The following AP2B1 variants were observed in gnomAD, a reference collection of about 807,000 sequenced individuals.
AP2B1 encodes the protein AP-2 complex subunit beta.
Under a neutral mutation model 102.0 loss-of-function variants are expected in AP2B1, and 23 were observed. The observed-to-expected ratio is 0.23, with a 90% confidence interval of 0.16 to 0.32. The LOEUF (loss-of-function observed/expected upper bound fraction) is 0.32, where lower values mean the gene tolerates loss of function less well. Among genes scored for constraint, AP2B1 ranks in the 10% least tolerant of loss-of-function variants. The pLI is 1.00. For missense variants in AP2B1, 541 were observed against 1,157.4 expected (o/e 0.47, Z 7.73); for synonymous variants, 381 against 421.2 (o/e 0.90, Z 1.17).
chr17:35,638,632 T>TA (rs1407070740), intron 10 of AP2B1, among the ~76,000 whole-genome samples: 2 of 151,336 alleles, frequency 1.3e-5, no homozygotes, highest in African/African-American at 4.9e-5. Flanking sequence ...ACTAAAAATA[T>TA]AAAAAAATTA....
At chr17:35,621,691 G>T (rs1285420878) in intron 5 of AP2B1, among the ~76,000 whole-genome samples, 1 of 152,090 alleles carries the variant, frequency 6.6e-6, no homozygotes, top group Admixed American at 6.6e-5. Context: ...ACTTCATTAG[G>T]TGCATTATAC....
intron 2 of AP2B1, chr17:35,596,830 G>T: frequency 4.5e-6 from 3 of 663,862 alleles, no homozygotes; most frequent in Non-Finnish European, 8.4e-6. Context: ...CCCCGCAGGC[G>T]CTGCCCCACA....
chr17:35,621,809 C>A (rs981948139), intron 5 of AP2B1, among the ~76,000 whole-genome samples: 2 of 152,102 alleles, frequency 1.3e-5, no homozygotes, highest in African/African-American at 4.8e-5. Flanking sequence ...TAATTCTCCC[C>A]CTTCTCTCGT....
intron 20 of AP2B1, among the ~76,000 whole-genome samples, chr17:35,714,851 A>G (rs1048262255): frequency 6.6e-6 from 1 of 152,226 alleles, no homozygotes; most frequent in African/African-American, 2.4e-5. Context: ...ATCAGCACAC[A>G]GTGAAACAAT....
chr17:35,718,316 G>C (rs2085242941), intron 21 of AP2B1, among the ~76,000 whole-genome samples: 1 of 60,846 alleles, frequency 1.6e-5, no homozygotes, highest in Non-Finnish European at 3.1e-5. Context: ...GAGTAGCTGT[G>C]TGTGTGTGTG....
rs1459393258 is a variant in AP2B1 at position 35,724,740 on chromosome 17, C to T, written c.*1041C>T. 1 of 152,230 alleles carries T rather than the reference C, an allele frequency of 6.6e-6. No individual in the cohort carries two copies. The highest frequency in any genetic ancestry group is 1.5e-5 in the Non-Finnish European group (1 of 68,048). The allele number at this position is 152,230 out of a possible 1,614,324, so 9.4% of individuals were successfully genotyped here. On this transcript the variant is annotated 3_prime_UTR_variant, in exon 22 of 22. Coordinates refer to ENST00000610402, the MANE Select transcript of AP2B1 (RefSeq NM_001030006.2). ...GCCGAGACCGAGTCTCCTAAGTCCCCGTCAGTGTGGTTTTCACCACAGGAC... is the reference window on the plus strand; with the variant it reads ...GCCGAGACCGAGTCTCCTAAGTCCCTGTCAGTGTGGTTTTCACCACAGGAC...
chr17:35,701,164 A>G (rs1477264034), intron 18 of AP2B1, among the ~76,000 whole-genome samples: 1 of 42,994 alleles, frequency 2.3e-5, no homozygotes, highest in Non-Finnish European at 4.1e-5. Context: ...TGTATTTTAC[A>G]TAGTGTATAC....
At chr17:35,659,992 T>C (rs567231108) in intron 14 of AP2B1, 11 of 985,330 alleles carry the variant, frequency 1.1e-5, no homozygotes, top group Non-Finnish European at 1.3e-5. Context: ...CAGTGGACTT[T>C]TAAAATGCTT....
At chr17:35,691,450 C>A (rs1170693027) in intron 18 of AP2B1, among the ~76,000 whole-genome samples, 1 of 152,234 alleles carries the variant, frequency 6.6e-6, no homozygotes, top group Non-Finnish European at 1.5e-5. Context: ...CTTTTCAGCG[C>A]TCCCATCAAA....
In AP2B1 at chr17:35,709,280, T is replaced by C. The variant is rs2143007558; in HGVS notation, c.2511T>C (p.Asn837=). The C allele has an allele frequency of 1.2e-6, 2 of 1,614,156 alleles. No homozygotes were observed. Among genetic ancestry groups the C allele is most frequent in the South Asian group, 2.2e-5 (2 of 91,084 alleles). ...ACTTCAGCTGCCTCATCCCACTCAATGTGCTTTTTGTAGAAGATGGCAAAA... is the reference window on the plus strand; with the variant it reads ...ACTTCAGCTGCCTCATCCCACTCAACGTGCTTTTTGTAGAAGATGGCAAAA... The part of the protein sequence containing the change: ...VFYFSCLIPL[N]VLFVEDGKME... The change falls in exon 19 of 22, where the codon AAT becomes AAC. Residue 837 remains asparagine (N), a synonymous_variant. Coordinates refer to ENST00000610402, the MANE Select transcript of AP2B1 (RefSeq NM_001030006.2).
chr17:35,621,368 G>T, intron 5 of AP2B1: 3 of 983,230 alleles, frequency 3.1e-6, no homozygotes, highest in Non-Finnish European at 3.6e-6. Context: ...TGCCTGGTGA[G>T]CCTGCCTCAG....
chr17:35,596,603 C>T (rs562654032), intron 2 of AP2B1, among the ~76,000 whole-genome samples: 2 of 151,924 alleles, frequency 1.3e-5, no homozygotes, highest in South Asian at 2.1e-4. Context: ...CCAGGCCCGG[C>T]GGCCATGTCG....
intron 18 of AP2B1, among the ~76,000 whole-genome samples, chr17:35,704,519 C>T (rs1188337057): frequency 6.6e-6 from 1 of 152,042 alleles, no homozygotes; most frequent in African/African-American, 2.4e-5. Context: ...AATATGCTAG[C>T]GAAGATGAGA....
intron 18 of AP2B1, among the ~76,000 whole-genome samples, chr17:35,699,960 G>A (rs138587674): frequency 8.0e-4 from 122 of 152,200 alleles, no homozygotes; most frequent in African/African-American, 2.7e-3. Flanking sequence ...GCCAAGCATG[G>A]TGGCACATGC....
In AP2B1 at chr17:35,723,687, T is replaced by C; in HGVS notation, c.2844T>C (p.Ile948=). Residue 948 remains isoleucine (I), a synonymous_variant, in exon 22 of 22, where the codon ATT becomes ATC. Transcript: ENST00000610402. ...SQYIYQVYDS[I]LKN ...ACATCTATCAGGTCTACGACAGCAT[T>C]TTGAAAAACTAACAAGACTGGTCCA... 1 of 1,610,588 alleles carries C rather than the reference T, an allele frequency of 6.2e-7. No homozygotes were observed. Among genetic ancestry groups the C allele is most frequent in the Non-Finnish European group, 8.5e-7 (1 of 1,176,786 alleles).
At chr17:35,600,963 G>A (rs953921426) in intron 3 of AP2B1, 6 of 983,042 alleles carry the variant, frequency 6.1e-6, no homozygotes, top group Non-Finnish European at 7.2e-6. Flanking sequence ...GTGAATTTTT[G>A]TTATTTTTCT....
chr17:35,590,823 G>A (rs2073070701), intron 1 of AP2B1, among the ~76,000 whole-genome samples: 1 of 152,110 alleles, frequency 6.6e-6, no homozygotes, highest in African/African-American at 2.4e-5. Flanking sequence ...AATGAAATAT[G>A]TGAGCTACTG....
chr17:35,694,098 A>G (rs374495787), intron 18 of AP2B1, among the ~76,000 whole-genome samples: 51 of 152,188 alleles, frequency 3.4e-4, no homozygotes, highest in African/African-American at 1.2e-3. Flanking sequence ...ATTACTGCCT[A>G]TTATTACTGA....
intron 18 of AP2B1, among the ~76,000 whole-genome samples, chr17:35,685,140 C>A (rs1228026188): frequency 1.3e-5 from 2 of 152,210 alleles, no homozygotes; most frequent in East Asian, 3.8e-4. Context: ...AAGTTTCCCA[C>A]ATGGATTCTC....
Sources: allele counts gnomAD v4.1 joint callset (sites outside exome capture counted in the v4.1 genomes callset), GRCh38; gene constraint gnomAD v4.1.1; transcripts MANE v1.5; gene names NCBI Gene and HGNC (gene_info 2026-07-23, HGNC 2026-07-21).